Variants in NKAIN2 observed in about 807,000 individuals in gnomAD.
NKAIN2 encodes the protein sodium/potassium-transporting ATPase subunit beta-1-interacting protein 2.
Under a neutral mutation model 32.6 loss-of-function variants are expected in NKAIN2, and 14 were observed. The ratio of observed to expected loss-of-function variants is 0.43; its 90% CI spans 0.28 to 0.67. The LOEUF (loss-of-function observed/expected upper bound fraction) is 0.67, where lower values mean the gene tolerates loss of function less well. Among genes scored for constraint, NKAIN2 ranks in the 30% least tolerant of loss-of-function variants. NKAIN2 has a pLI of 0.17. For synonymous variants in NKAIN2, 80 were observed against 87.2 expected (o/e 0.92, Z 0.46); for missense variants, 198 against 258.3 (o/e 0.77, Z 1.60).
chr6:123,944,188 A>T (rs1025613228), intron 1 of NKAIN2, among the ~76,000 whole-genome samples: 1 of 152,018 alleles, frequency 6.6e-6, no homozygotes, highest in Non-Finnish European at 1.5e-5. Context: ...TTAGTTTCTG[A>T]TGCAAGCAGC....
chr6:124,396,737 T>C (rs557427408), intron 3 of NKAIN2, among the ~76,000 whole-genome samples: 70 of 152,250 alleles, frequency 4.6e-4, no homozygotes, highest in African/African-American at 1.7e-3. Flanking sequence ...GAATTATGTG[T>C]GGGAGAGTGG....
chr6:123,962,443 T>A (rs1777888705), intron 1 of NKAIN2, among the ~76,000 whole-genome samples: 1 of 152,178 alleles, frequency 6.6e-6, no homozygotes, highest in African/African-American at 2.4e-5. Flanking sequence ...GTCTTATTTT[T>A]CCTGAGTCCT....
intron 1 of NKAIN2, among the ~76,000 whole-genome samples, chr6:123,852,387 G>T (rs1156657764): frequency 1.3e-5 from 2 of 151,898 alleles, no homozygotes; most frequent in African/African-American, 4.8e-5. Flanking sequence ...TAGGTCTCTT[G>T]AATTTTTTCT....
intron 1 of NKAIN2, among the ~76,000 whole-genome samples, chr6:124,170,351 T>C (rs1251710761): frequency 4.6e-5 from 7 of 152,214 alleles, no homozygotes; most frequent in Non-Finnish European, 1.0e-4. Context: ...TCCAGAGATA[T>C]TTGTTGAATG....
At chr6:124,228,795 T>C (rs1792263235) in intron 1 of NKAIN2, among the ~76,000 whole-genome samples, 1 of 152,162 alleles carries the variant, frequency 6.6e-6, no homozygotes, top group African/African-American at 2.4e-5. Flanking sequence ...TAAAATGAAA[T>C]AGTTTTAACG....
chr6:124,658,487 C>T, intron 4 of NKAIN2, 101 bp downstream of exon 4: 1 of 1,567,492 alleles, frequency 6.4e-7, no homozygotes. Flanking sequence ...TAAAGTGTGG[C>T]CTTTTTGCTT....
chr6:124,446,527 G>A (rs1447402569), intron 3 of NKAIN2, among the ~76,000 whole-genome samples: 2 of 151,984 alleles, frequency 1.3e-5, no homozygotes, highest in African/African-American at 2.4e-5. Flanking sequence ...ATTTTTGATA[G>A]AGACGGGGTT....
At chr6:124,433,944 C>T (rs926691221) in intron 3 of NKAIN2, among the ~76,000 whole-genome samples, 65 of 152,294 alleles carry the variant, frequency 4.3e-4, no homozygotes, top group African/African-American at 1.5e-3. Context: ...ATGCAGTGCA[C>T]TAATTCACTG....
At chr6:124,582,837 G>A (rs1463897235) in intron 3 of NKAIN2, among the ~76,000 whole-genome samples, 1 of 151,928 alleles carries the variant, frequency 6.6e-6, no homozygotes, top group Non-Finnish European at 1.5e-5. Context: ...CAATCATGTG[G>A]TACACCATAT....
chr6:124,639,826 G>T (rs925198195), intron 3 of NKAIN2, among the ~76,000 whole-genome samples: 2 of 152,074 alleles, frequency 1.3e-5, no homozygotes, highest in Admixed American at 1.3e-4. Context: ...TAGACACTGA[G>T]AAGAGTCGGG....
chr6:124,383,358 C>A (rs1056372928), intron 3 of NKAIN2, among the ~76,000 whole-genome samples: 3 of 152,150 alleles, frequency 2.0e-5, no homozygotes, highest in Non-Finnish European at 4.4e-5. Flanking sequence ...TCTAAAAGGG[C>A]AGATTGTATA....
intron 2 of NKAIN2, among the ~76,000 whole-genome samples, chr6:124,308,239 G>A (rs1304432106): frequency 6.6e-6 from 1 of 151,938 alleles, no homozygotes; most frequent in African/African-American, 2.4e-5. Context: ...AGAACATGCG[G>A]AGTTTAGTTT....
At chr6:124,780,282 C>T (rs976815175) in intron 4 of NKAIN2, among the ~76,000 whole-genome samples, 2 of 152,032 alleles carry the variant, frequency 1.3e-5, no homozygotes, top group African/African-American at 4.8e-5. Flanking sequence ...TCCAGTAGTC[C>T]AGTTTAAGAA....
At chr6:124,123,289 G>C (rs1262440361) in intron 1 of NKAIN2, among the ~76,000 whole-genome samples, 1 of 151,980 alleles carries the variant, frequency 6.6e-6, no homozygotes, top group Non-Finnish European at 1.5e-5. Flanking sequence ...CTGAAAGGAG[G>C]ATGGAAATCT....
chr6:124,332,058 G>C lies in NKAIN2; in HGVS notation c.193-23209G>C, dbSNP rs956567241. ...AGATTGGAAGAAGCTAATATATATA[G>C]TTTTAAAGACAAAATGGATAAGGAT... On this transcript the variant is annotated intron_variant, in intron 2 of 6. Transcript: ENST00000368417. 3.3e-5 allele frequency among the ~76,000 whole-genome samples: 5 copies of C among 152,092 alleles called. No individual in the cohort carries two copies. The East Asian group carries it at 9.6e-4, about 29-fold the overall frequency.
At chr6:124,791,312 G>A (rs375289455) in intron 4 of NKAIN2, 27 bp from the exon 5 acceptor site, 11 of 1,592,876 alleles carry the variant, frequency 6.9e-6, no homozygotes, top group Non-Finnish European at 9.5e-6. Flanking sequence ...TTTTTCTGAT[G>A]TCTAAAGCAT....
rs912213257 is a variant in NKAIN2 at position 124,223,201 on chromosome 6, A to T, written c.55-59804A>T. On this transcript the variant is annotated intron_variant, in intron 1 of 6. Coordinates refer to ENST00000368417, the MANE Select transcript of NKAIN2 (RefSeq NM_001040214.3). ...GTACTCCAGCCTGGGCGACAGTGTG[A>T]GACTCCATCTCAAAAAAAAAAAAAA... is the stretch of plus-strand genomic sequence containing the variant. Among the ~76,000 whole-genome samples the T allele has an allele frequency of 1.8e-3, 220 of 119,052 alleles. 5 individuals carry two copies. Among genetic ancestry groups the T allele is most frequent in the Non-Finnish European group, 4.9e-4 (29 of 59,506 alleles). 78.1% of individuals were successfully genotyped at this position (119,052 alleles called of 152,430 possible). A position where few individuals can be genotyped will look rare whatever the true frequency, so the allele number is the denominator to read the frequency against.
intron 1 of NKAIN2, among the ~76,000 whole-genome samples, chr6:124,000,894 C>G (rs7775695): frequency 6.6e-6 from 1 of 151,802 alleles, no homozygotes; most frequent in African/African-American, 2.4e-5. Context: ...CTCACTGTAG[C>G]GTGATTCTTT....
rs190822374 is a variant in NKAIN2 at position 124,442,077 on chromosome 6, C to T, written c.273+86730C>T. Among the ~76,000 whole-genome samples the T allele has an allele frequency of 2.8e-3, 419 of 152,114 alleles. 4 individuals are homozygous for T. Among genetic ancestry groups the T allele is most frequent in the Non-Finnish European group, 3.8e-3 (258 of 67,988 alleles). ...AATATGAAGATTTTAAATATAGTGCCTATTCTCATATAGTCATTAACATGC... is the reference window on the plus strand; with the variant it reads ...AATATGAAGATTTTAAATATAGTGCTTATTCTCATATAGTCATTAACATGC... On this transcript the variant is annotated intron_variant, in intron 3 of 6. Coordinates refer to ENST00000368417, the MANE Select transcript of NKAIN2 (RefSeq NM_001040214.3).
Sources: allele counts gnomAD v4.1 joint callset (sites outside exome capture counted in the v4.1 genomes callset), GRCh38; gene constraint gnomAD v4.1.1; transcripts MANE v1.5; gene names NCBI Gene and HGNC (gene_info 2026-07-23, HGNC 2026-07-21).